The following TXNRD3 variants were observed in gnomAD, a reference collection of about 807,000 sequenced individuals.
TXNRD3 encodes the protein thioredoxin reductase 3, also known as TXNRD3 neighbor gene protein.
Under a neutral mutation model 78.2 loss-of-function variants are expected in TXNRD3, and 68 were observed. The ratio of observed to expected loss-of-function variants is 0.87; its 90% CI spans 0.72 to 1.06. The LOEUF (loss-of-function observed/expected upper bound fraction) is 1.06, where lower values mean the gene tolerates loss of function less well. TXNRD3 is among the 50% of genes least tolerant of loss of function. The probability of loss-of-function intolerance (pLI) is 0.00; values close to 1 mark genes in which losing one functional copy is unlikely to be tolerated. For synonymous variants in TXNRD3, 296 were observed against 300.1 expected (o/e 0.99, Z 0.14); for missense variants, 751 against 809.5 (o/e 0.93, Z 0.88).
At chr3:126,628,756 A>G (rs531548312) in intron 10 of TXNRD3, among the ~76,000 whole-genome samples, 8 of 152,234 alleles carry the variant, frequency 5.3e-5, no homozygotes, top group Non-Finnish European at 1.2e-4. Context: ...AAATTTTCCT[A>G]TATATCCAAT....
intron 15 of TXNRD3, 116 bp downstream of exon 15, chr3:126,608,379 AAAAT>A: frequency 8.7e-7 from 1 of 1,145,750 alleles, no homozygotes; most frequent in Non-Finnish European, 1.2e-6. Context: ...AAAATGAAAT[AAAAT>A]AAATTTAAAA....
chr3:126,630,811 T>C lies in TXNRD3; in HGVS notation c.1098A>G (p.Ser366=). The stretch of plus-strand genomic sequence containing the variant: ...CTTGGTCGAAGCCACGGAGAAGGAT[T>C]GAGCGTACCATAACTGTGACATCTA... Residue 366 remains serine, a synonymous_variant, in exon 9 of 16, where the codon TCA becomes TCG. Transcript: ENST00000524230. The C allele has an allele frequency of 1.3e-6, 2 of 1,535,484 alleles. No individual in the cohort carries two copies. Among genetic ancestry groups the C allele is most frequent in the South Asian group, 1.2e-5 (1 of 84,020 alleles).
intron 14 of TXNRD3, chr3:126,609,270 A>G: frequency 3.6e-6 from 1 of 274,224 alleles, no homozygotes; most frequent in Non-Finnish European, 8.0e-6. Context: ...ACAATAGATG[A>G]AGAGAAAGAC....
chr3:126,642,034 T>C lies in TXNRD3; in HGVS notation c.710A>G (p.Gln237Arg), dbSNP rs1933101086. Residue 237 changes from glutamine to arginine, a missense_variant and splice_region_variant, in exon 6 of 16, where the codon CAA becomes CGA. Gln to Arg is a conservative substitution (Grantham distance 43). Transcript: ENST00000524230. ...ATACTTTATGAACCATTACTCACCT[T>C]GTTGATTATATTCCCAGCCAAATTT... 1 of 1,534,376 alleles carries C rather than the reference T, an allele frequency of 6.5e-7. No homozygotes were observed. Among genetic ancestry groups the C allele is most frequent in the Non-Finnish European group, 8.7e-7 (1 of 1,146,438 alleles).
intron 3 of TXNRD3, among the ~76,000 whole-genome samples, chr3:126,645,477 C>T (rs1215090061): frequency 6.6e-6 from 1 of 152,136 alleles, no homozygotes; most frequent in African/African-American, 2.4e-5. Flanking sequence ...TAACACACAA[C>T]ATAGACAATC....
chr3:126,648,201 A>T (rs1201830705), intron 1 of TXNRD3, among the ~76,000 whole-genome samples: 2 of 152,226 alleles, frequency 1.3e-5, no homozygotes, highest in African/African-American at 4.8e-5. Context: ...AAAACCACAA[A>T]TGTTGCTGAA....
rs1322419208 is a variant in TXNRD3 at position 126,615,370 on chromosome 3, T to C, written c.1617A>G (p.Lys539=). The C allele has an allele frequency of 3.4e-6, 5 of 1,478,806 alleles. No individual in the cohort carries two copies. The highest frequency in any genetic ancestry group is 4.5e-6 in the Non-Finnish European group (5 of 1,117,282). 91.6% of individuals were successfully genotyped at this position (1,478,806 alleles called of 1,614,324 possible). Residue 539 remains lysine, a synonymous_variant, in exon 13 of 16, where the codon AAA becomes AAG. Coordinates refer to ENST00000524230, the MANE Select transcript of TXNRD3 (RefSeq NM_052883.3). ...ACAATCTTACTTCTAGATTCTCTTT[T>C]TTATATACTTCAATAGCTTTCTCTT...
At chr3:126,652,573 C>T (rs190262435) in intron 1 of TXNRD3, among the ~76,000 whole-genome samples, 5 of 152,306 alleles carry the variant, frequency 3.3e-5, no homozygotes, top group Admixed American at 2.6e-4. Flanking sequence ...GGAGTTTGCA[C>T]CTTCTCTTCA....
intron 11 of TXNRD3, among the ~76,000 whole-genome samples, 165 bp downstream of exon 11, chr3:126,622,299 A>G (rs1039519450): frequency 2.0e-5 from 3 of 152,214 alleles, no homozygotes; most frequent in Non-Finnish European, 2.9e-5. Flanking sequence ...GAGCTTTTTA[A>G]GTAAGAGTTA....
chr3:126,608,671 G>C, intron 14 of TXNRD3, 38 bp from the exon 15 acceptor site: 2 of 1,522,850 alleles, frequency 1.3e-6, no homozygotes. Flanking sequence ...ATCCCAGTAG[G>C]TTAATGGTCT....
intron 10 of TXNRD3, among the ~76,000 whole-genome samples, chr3:126,628,328 G>A (rs1267710730): frequency 6.6e-6 from 1 of 151,948 alleles, no homozygotes; most frequent in Non-Finnish European, 1.5e-5. Context: ...CTGTACTGGA[G>A]GTCCTAACTA....
intron 6 of TXNRD3, among the ~76,000 whole-genome samples, chr3:126,637,619 T>C (rs935315648): frequency 6.6e-6 from 1 of 152,102 alleles, no homozygotes; most frequent in African/African-American, 2.4e-5. Context: ...ATTATTTCTT[T>C]TGGTTTTAGG....
chr3:126,619,220 G>A (rs148090112), intron 12 of TXNRD3, among the ~76,000 whole-genome samples: 8 of 152,138 alleles, frequency 5.3e-5, no homozygotes, highest in East Asian at 3.9e-4. Context: ...AATATTTATC[G>A]AAAGGAAAGA....
intron 6 of TXNRD3, among the ~76,000 whole-genome samples, chr3:126,636,637 C>T (rs1290591618): frequency 8.5e-5 from 13 of 152,188 alleles, no homozygotes; most frequent in Non-Finnish European, 1.8e-4. Context: ...GAGCCCTACC[C>T]ACTCACATTT....
chr3:126,620,030 T>C (rs926468930), intron 12 of TXNRD3, among the ~76,000 whole-genome samples: 2 of 152,112 alleles, frequency 1.3e-5, no homozygotes, highest in African/African-American at 4.8e-5. Context: ...GCACGGTGGC[T>C]CATGCCTGTA....
chr3:126,647,186 C>G, intron 2 of TXNRD3, 50 bp downstream of exon 2: 4 of 1,361,394 alleles, frequency 2.9e-6, no homozygotes, highest in Non-Finnish European at 4.0e-6. Context: ...AGAAGTCAAT[C>G]TCGCTGGCAT....
chr3:126,642,569 C>T (rs1933121116), intron 5 of TXNRD3, among the ~76,000 whole-genome samples: 2 of 152,202 alleles, frequency 1.3e-5, no homozygotes, highest in African/African-American at 4.8e-5. Flanking sequence ...CTGAACAACA[C>T]AAAATGGATT....
chr3:126,621,512 C>T (rs1938455776), intron 12 of TXNRD3, among the ~76,000 whole-genome samples: 1 of 152,190 alleles, frequency 6.6e-6, no homozygotes, highest in African/African-American at 2.4e-5. Flanking sequence ...CTGGTAAGCC[C>T]CTGGGGCTGA....
chr3:126,642,839 T>C (rs1257663841), intron 5 of TXNRD3, among the ~76,000 whole-genome samples: 2 of 152,254 alleles, frequency 1.3e-5, no homozygotes, highest in Non-Finnish European at 2.9e-5. Flanking sequence ...ATTTTAAAAA[T>C]TGATTTTTAC....
Sources: allele counts gnomAD v4.1 joint callset (sites outside exome capture counted in the v4.1 genomes callset), GRCh38; gene constraint gnomAD v4.1.1; transcripts MANE v1.5; gene names NCBI Gene and HGNC (gene_info 2026-07-23, HGNC 2026-07-21).